The following RNF150 variants were observed in gnomAD, a reference collection of about 807,000 sequenced individuals.
RNF150 encodes ring finger protein 150.
RNF150 carries 24 observed loss-of-function variants against 39.3 expected under a neutral mutation model. The observed-to-expected ratio is 0.61, with a 90% CI of 0.44 to 0.86. The LOEUF is 0.86. Ranked by LOEUF, RNF150 falls within the 40% of genes least tolerant of loss-of-function variation. RNF150 has a pLI of 0.00. For missense variants in RNF150, 502 were observed against 587.8 expected, an observed-to-expected ratio of 0.85 and a Z score of 1.51; for synonymous variants, 255 against 227.3, an observed-to-expected ratio of 1.12 and a Z score of -1.10.
At chr4:141,194,206 A>G (rs1295062845) in intron 1 of RNF150, among the ~76,000 whole-genome samples, 2 of 152,240 alleles carry the variant, frequency 1.3e-5, no homozygotes, top group Admixed American at 6.5e-5. Flanking sequence ...TTTCTGATGT[A>G]TTGAAACAAT....
At chr4:140,999,852 T>C (rs1029546317) in intron 1 of RNF150, among the ~76,000 whole-genome samples, 1 of 150,820 alleles carries the variant, frequency 6.6e-6, no homozygotes, top group Non-Finnish European at 1.5e-5. Flanking sequence ...GGAGAATCTC[T>C]TGAATCTGGG....
chr4:140,876,920 T>C (rs1729177507), intron 6 of RNF150, among the ~76,000 whole-genome samples: 1 of 152,256 alleles, frequency 6.6e-6, no homozygotes, highest in African/African-American at 2.4e-5. Flanking sequence ...TCCTGTTCCA[T>C]AATTGCAAAT....
intron 4 of RNF150, among the ~76,000 whole-genome samples, chr4:140,928,308 G>A (rs1033229100): frequency 6.6e-6 from 1 of 152,054 alleles, no homozygotes; most frequent in Non-Finnish European, 1.5e-5. Context: ...GGTGTTCAGG[G>A]AAGGGCTCCC....
intron 1 of RNF150, among the ~76,000 whole-genome samples, chr4:141,066,947 C>T (rs757281301): frequency 1.6e-4 from 25 of 152,040 alleles, no homozygotes; most frequent in East Asian, 3.9e-4. Flanking sequence ...TGTGGTATGC[C>T]GTATTGCTCC....
intron 6 of RNF150, among the ~76,000 whole-genome samples, chr4:140,891,494 G>C (rs1729752466): frequency 6.6e-6 from 1 of 152,080 alleles, no homozygotes; most frequent in South Asian, 2.1e-4. Flanking sequence ...TGAGAAAATT[G>C]ACAATAATAA....
chr4:141,025,460 G>T (rs1735661708), intron 1 of RNF150, among the ~76,000 whole-genome samples: 1 of 151,974 alleles, frequency 6.6e-6, no homozygotes. Context: ...AACATTTGCA[G>T]TGTTTTCTAT....
chr4:141,181,231 C>T (rs1448744530), intron 1 of RNF150, among the ~76,000 whole-genome samples: 1 of 152,100 alleles, frequency 6.6e-6, no homozygotes, highest in Admixed American at 6.6e-5. Context: ...TTCACATTCA[C>T]TTCACTAAGA....
At chr4:141,057,806 C>T (rs951391728) in intron 1 of RNF150, among the ~76,000 whole-genome samples, 6 of 152,110 alleles carry the variant, frequency 3.9e-5, no homozygotes, top group African/African-American at 1.4e-4. Flanking sequence ...CTGTTGACAC[C>T]CTGTCCCATC....
intron 1 of RNF150, among the ~76,000 whole-genome samples, chr4:140,981,355 T>C (rs1003668752): frequency 6.6e-6 from 1 of 152,108 alleles, no homozygotes; most frequent in African/African-American, 2.4e-5. Context: ...TTTATACAAA[T>C]AGTCTGAAGG....
chr4:141,208,580 T>C (rs1347806126), intron 1 of RNF150, among the ~76,000 whole-genome samples: 1 of 152,232 alleles, frequency 6.6e-6, no homozygotes, highest in Non-Finnish European at 1.5e-5. Flanking sequence ...TCTTTCCTTT[T>C]CAATTTTGCT....
chr4:141,192,924 T>G (rs1412654268), intron 1 of RNF150, among the ~76,000 whole-genome samples: 1 of 152,224 alleles, frequency 6.6e-6, no homozygotes, highest in Non-Finnish European at 1.5e-5. Context: ...AAGGCACTTT[T>G]GCCAGGTAGC....
intron 5 of RNF150, among the ~76,000 whole-genome samples, chr4:140,918,886 C>T (rs1730974167): frequency 6.6e-6 from 1 of 152,162 alleles, no homozygotes; most frequent in African/African-American, 2.4e-5. Flanking sequence ...TCAACATATG[C>T]AAATCAATAA....
chr4:141,146,083 G>T (rs1727196489), intron 1 of RNF150, among the ~76,000 whole-genome samples: 1 of 152,188 alleles, frequency 6.6e-6, no homozygotes, highest in Non-Finnish European at 1.5e-5. Flanking sequence ...AATATTTCCG[G>T]GACTTGGGAA....
intron 6 of RNF150, among the ~76,000 whole-genome samples, chr4:140,884,907 G>A (rs1375791088): frequency 6.6e-6 from 1 of 152,184 alleles, no homozygotes; most frequent in Non-Finnish European, 1.5e-5. Context: ...TCTGGTGAAT[G>A]AGTGGGTTCC....
chr4:141,077,081 TC>T (rs145933483), intron 1 of RNF150, among the ~76,000 whole-genome samples: 3,067 of 152,244 alleles, frequency 0.02, 35 homozygotes, highest in South Asian at 0.037. Flanking sequence ...TCACTACACC[TC>T]CTTCTATCAT....
At chr4:141,147,630 C>T (rs1727224820) in intron 1 of RNF150, among the ~76,000 whole-genome samples, 2 of 152,102 alleles carry the variant, frequency 1.3e-5, no homozygotes, top group Admixed American at 1.3e-4. Flanking sequence ...GCCAAGTGGG[C>T]TTGCAAATAT....
At chr4:141,122,144 AAGCCAATTTGAGAGAG>A (rs1726623939) in intron 1 of RNF150, among the ~76,000 whole-genome samples, 1 of 152,162 alleles carries the variant, frequency 6.6e-6, no homozygotes, top group South Asian at 2.1e-4. Flanking sequence ...GCCAACCGAA[AAGCCAATTTGAGAGAG>A]AGCCACAACT....
At chr4:141,045,915 T>G (rs1036546994) in intron 1 of RNF150, among the ~76,000 whole-genome samples, 3 of 152,152 alleles carry the variant, frequency 2.0e-5, no homozygotes, top group Non-Finnish European at 2.9e-5. Context: ...TCTTCTTAAC[T>G]TTACATATCA....
chr4:141,107,291 T>C (rs1468171229), intron 1 of RNF150, among the ~76,000 whole-genome samples: 1 of 152,244 alleles, frequency 6.6e-6, no homozygotes, highest in African/African-American at 2.4e-5. Context: ...GCATTTTTTA[T>C]ATATGTGTGT....
Sources: allele counts gnomAD v4.1 joint callset (sites outside exome capture counted in the v4.1 genomes callset), GRCh38; gene constraint gnomAD v4.1.1; transcripts MANE v1.5; gene names NCBI Gene and HGNC (gene_info 2026-07-23, HGNC 2026-07-21).